NFE2L2: variants seen among roughly 807,000 people sequenced by gnomAD.
NFE2L2 encodes NFE2 like bZIP transcription factor 2, also known as nuclear factor erythroid 2-related factor 2.
Under a neutral mutation model 49.6 loss-of-function variants are expected in NFE2L2, and 20 were observed. The ratio of observed to expected loss-of-function variants is 0.40; its 90% CI spans 0.28 to 0.59. NFE2L2 has a LOEUF of 0.59. Among genes scored for constraint, NFE2L2 ranks in the 20% least tolerant of loss-of-function variants. The pLI is 0.40. For missense variants in NFE2L2, 578 were observed against 714.2 expected (o/e 0.81, Z 2.17); for synonymous variants, 244 against 256.5 (o/e 0.95, Z 0.47).
In NFE2L2 at chr2:177,231,312, G is replaced by A. The variant is rs2105452162; in HGVS notation, c.1291C>T (p.Pro431Ser). The A allele has an allele frequency of 2.5e-6, 4 of 1,614,244 alleles. No homozygotes were observed. Among genetic ancestry groups the A allele is most frequent in the South Asian group, 2.2e-5 (2 of 91,086 alleles). ...QCENTPEKEL[P>S]VSPGHRKTPF... The stretch of plus-strand genomic sequence containing the variant: ...GTTTTCCGATGACCAGGACTTACAG[G>A]CAATTCTTTCTCTGGTGTGTTCTCA... Residue 431 changes from proline to serine, a missense_variant, in exon 5 of 5, where the codon CCT (proline) becomes TCT (serine). Pro to Ser is a moderately conservative substitution (Grantham distance 74, BLOSUM62 -1). Transcript: ENST00000397062.
At chr2:177,238,552 A>G (rs1296984457) in intron 1 of NFE2L2, among the ~76,000 whole-genome samples, 1 of 152,236 alleles carries the variant, frequency 6.6e-6, no homozygotes, top group Non-Finnish European at 1.5e-5. Flanking sequence ...CTCTCTATAA[A>G]TGTAAAATAT....
intron 1 of NFE2L2, among the ~76,000 whole-genome samples, chr2:177,239,537 C>T (rs1006342267): frequency 2.0e-5 from 3 of 152,108 alleles, no homozygotes; most frequent in East Asian, 1.9e-4. Flanking sequence ...ATTAGCCGGG[C>T]GTGGTGGCAT....
chr2:177,236,393 ATAGT>A (rs1283790057), intron 1 of NFE2L2, among the ~76,000 whole-genome samples: 10 of 152,358 alleles, frequency 6.6e-5, no homozygotes, highest in South Asian at 2.1e-4. Context: ...CAAAGTAGGC[ATAGT>A]TAAAGTAGCA....
At position 177,231,294 on chromosome 2, in the gene NFE2L2, G is replaced by T. The variant is rs184287392; in HGVS notation, c.1309C>A (p.Arg437=). 6.2e-7 allele frequency: 1 copy of T among 1,614,100 alleles called. No individual in the cohort carries two copies. The change falls in exon 5 of 5, where the codon CGG becomes AGG. Residue 437 remains arginine (R), a synonymous_variant. Transcript: ENST00000397062. ...TTGTCTTTTGTGAATGGGGTTTTCC[G>T]ATGACCAGGACTTACAGGCAATTCT... ...EKELPVSPGH[R]KTPFTKDKHS...
chr2:177,263,555 G>C (rs572899544), intron 1 of NFE2L2: 46 of 985,426 alleles, frequency 4.7e-5, no homozygotes, highest in Non-Finnish European at 5.2e-5. Context: ...GCGCGGCGAG[G>C]TTTGCACGCT....
chr2:177,256,499 CAAAAAAAAA>C (rs35073132), intron 1 of NFE2L2, among the ~76,000 whole-genome samples: 9 of 75,094 alleles, frequency 1.2e-4, no homozygotes, highest in African/African-American at 4.2e-4. Flanking sequence ...TACATTCTTG[CAAAAAAAAA>C]AAAAAAAAAA....
chr2:177,264,372 T>A, intron 1 of NFE2L2, 160 bp downstream of exon 1: 42 of 588,642 alleles, frequency 7.1e-5, no homozygotes, highest in East Asian at 2.0e-4. Context: ...CTCCCCGCCC[T>A]GCCCCGGCGC....
At chr2:177,244,256 C>T (rs1690043657) in intron 1 of NFE2L2, among the ~76,000 whole-genome samples, 1 of 151,192 alleles carries the variant, frequency 6.6e-6, no homozygotes, top group Non-Finnish European at 1.5e-5. Context: ...GAGCCAAGAT[C>T]GCGCCATTGC....
intron 1 of NFE2L2, 134 bp downstream of exon 1, chr2:177,264,398 A>C: frequency 1.1e-6 from 1 of 901,666 alleles, no homozygotes; most frequent in Non-Finnish European, 1.6e-6. Context: ...CGGCGGCTCT[A>C]CCCAGCGCCG....
Position 177,233,725 on chromosome 2 carries a change from G to A in NFE2L2, c.312+280C>T. 2.4e-5 allele frequency: 13 copies of A among 538,118 alleles called. No individual in the cohort carries two copies. The South Asian group carries it at 2.9e-4, about 12-fold the overall frequency. The allele number at this position is 538,118 out of a possible 1,614,324, so 33.3% of individuals were successfully genotyped here. On this transcript the variant is annotated intron_variant, in intron 2 of 4. Coordinates refer to ENST00000397062, the MANE Select transcript of NFE2L2 (RefSeq NM_006164.5). ...TGGTTCTCCTGCTACTACTTCTGTT[G>A]CTGCTACTTGATCCTTACAGGATGT...
intron 1 of NFE2L2, among the ~76,000 whole-genome samples, chr2:177,255,564 T>C (rs1364761758): frequency 2.0e-5 from 3 of 152,110 alleles, no homozygotes; most frequent in African/African-American, 7.2e-5. Flanking sequence ...GGGTTGATTT[T>C]TCTTTTTTTC....
In NFE2L2 at chr2:177,233,329, A is replaced by G. The variant is rs1689626283; in HGVS notation, c.323T>C (p.Ile108Thr). The change falls in exon 3 of 5, where the codon ATT becomes ACT. Residue 108 changes from isoleucine to threonine, a missense_variant. Physicochemically the swap from Ile to Thr is moderately conservative, Grantham distance 89 (BLOSUM62 -1). Transcript: ENST00000397062. The stretch of plus-strand genomic sequence containing the variant: ...AAAGTACAAAGCATCTGATTTGGGA[A>G]TGTGGGCAACCTGATAAAAGGGAAT... ...GSANYSQVAHIPKSDALYFDD... is the reference protein window; with the variant it reads ...GSANYSQVAHTPKSDALYFDD... 1.3e-5 allele frequency: 21 copies of G among 1,609,380 alleles called. No individual in the cohort carries two copies. The highest frequency in any genetic ancestry group is 1.8e-5 in the Non-Finnish European group (21 of 1,178,446).
chr2:177,260,491 T>C (rs1410359982), intron 1 of NFE2L2, among the ~76,000 whole-genome samples: 5 of 152,246 alleles, frequency 3.3e-5, no homozygotes, highest in Non-Finnish European at 4.4e-5. Flanking sequence ...AAGACCCAAG[T>C]AAGCTTCAAC....
Position 177,232,533 on chromosome 2 carries a change from G to A in NFE2L2, c.453C>T (p.Ile151=), listed in dbSNP as rs758709636. 1.9e-5 allele frequency: 31 copies of A among 1,613,926 alleles called. No homozygotes were observed. Among genetic ancestry groups the A allele is most frequent in the African/African-American group, 4.0e-5 (3 of 74,898 alleles). ...TAGTAGCAATGAAGACTGGGCTCTCGATGTGACCGGGAATATCAGGAACAA... is the reference window on the plus strand; with the variant it reads ...TAGTAGCAATGAAGACTGGGCTCTCAATGTGACCGGGAATATCAGGAACAA... ...QSLVPDIPGH[I]ESPVFIATNQ... Residue 151 remains isoleucine (I), a synonymous_variant, in exon 4 of 5, where the codon ATC becomes ATT. Transcript: ENST00000397062.
chr2:177,256,172 T>C (rs1190474233), intron 1 of NFE2L2, among the ~76,000 whole-genome samples: 1 of 151,778 alleles, frequency 6.6e-6, no homozygotes, highest in Non-Finnish European at 1.5e-5. Flanking sequence ...CTCAAACACC[T>C]CAAGAAGAGG....
At position 177,259,896 on chromosome 2, in the gene NFE2L2, C is replaced by T. The variant is rs377365115; in HGVS notation, c.45+4636G>A. ...GCAGTGAGCGGAGATCATGCCACTGCACTCCAGCCTGGGCGACAGAGCAAG... is the reference window on the plus strand; with the variant it reads ...GCAGTGAGCGGAGATCATGCCACTGTACTCCAGCCTGGGCGACAGAGCAAG... On this transcript the variant is annotated intron_variant, in intron 1 of 4. Transcript: ENST00000397062. Among the ~76,000 whole-genome samples, 9 of 152,162 alleles carry T rather than the reference C, an allele frequency of 5.9e-5. 1 individual carries two copies. Among genetic ancestry groups the T allele is most frequent in the African/African-American group, 2.2e-4 (9 of 41,506 alleles).
At chr2:177,232,052 C>G in intron 4 of NFE2L2, 44 bp from the exon 5 acceptor site, 1 of 1,510,996 alleles carries the variant, frequency 6.6e-7, no homozygotes. Context: ...AAAGTTAATC[C>G]ATGATAATAC....
At chr2:177,262,959 A>G (rs1390519362) in intron 1 of NFE2L2, among the ~76,000 whole-genome samples, 1 of 152,224 alleles carries the variant, frequency 6.6e-6, no homozygotes, top group African/African-American at 2.4e-5. Flanking sequence ...TTAAAGGGGG[A>G]AAAAAGCACA....
At chr2:177,262,669 G>A (rs868836844) in intron 1 of NFE2L2, among the ~76,000 whole-genome samples, 2 of 152,304 alleles carry the variant, frequency 1.3e-5, no homozygotes, top group Middle Eastern at 3.4e-3. Flanking sequence ...CACACTTAAT[G>A]CGGTACATAT....
Sources: allele counts gnomAD v4.1 joint callset (sites outside exome capture counted in the v4.1 genomes callset), GRCh38; gene constraint gnomAD v4.1.1; transcripts MANE v1.5; gene names NCBI Gene and HGNC (gene_info 2026-07-23, HGNC 2026-07-21).